The following DPYD variants were observed in gnomAD, a reference collection of about 807,000 sequenced individuals.
DPYD encodes the protein dihydropyrimidine dehydrogenase [NADP(+)].
A neutral mutation model predicts 116.2 loss-of-function variants in DPYD; 109 were observed. That is an observed-to-expected ratio of 0.94 (90% CI 0.80 to 1.10). DPYD has a LOEUF of 1.10. Ranked by LOEUF, DPYD falls within the 50% of genes least tolerant of loss-of-function variation. The pLI, the probability that DPYD is intolerant of heterozygous loss-of-function variation, is 0.00. For missense variants in DPYD, 1,302 were observed against 1,254.5 expected, an observed-to-expected ratio of 1.04 and a Z score of -0.57; for synonymous variants, 440 against 432.0, an observed-to-expected ratio of 1.02 and a Z score of -0.23.
At position 97,323,257 on chromosome 1, in the gene DPYD, T is replaced by C. The variant is rs555046540; in HGVS notation, c.2059-16960A>G. Among the ~76,000 whole-genome samples, 13 of 147,076 alleles carry C rather than the reference T, an allele frequency of 8.8e-5. No individual in the cohort carries two copies. The East Asian group carries it at 1.8e-3, about 20-fold the overall frequency. ...ATATGTATACACATTTATATACTTA[T>C]ATACATATGTGTATATGTACACGTA... On this transcript the variant is annotated intron_variant, in intron 16 of 22. Coordinates refer to ENST00000370192, the MANE Select transcript of DPYD (RefSeq NM_000110.4).
Position 97,699,563 on chromosome 1 carries a change from T to C in DPYD, c.484-16A>G. ...CTTTGAATACCTACGGGGAAATCAA[T>C]TGTCATGGTTAAAATTTTGAAACTA... On this transcript the variant is annotated splice_polypyrimidine_tract_variant and intron_variant, in intron 5 of 22. Coordinates refer to ENST00000370192, the MANE Select transcript of DPYD (RefSeq NM_000110.4). The C allele has an allele frequency of 1.2e-6, 2 of 1,612,336 alleles. No homozygotes were observed. The highest frequency in any genetic ancestry group is 1.1e-5 in the South Asian group (1 of 91,002).
chr1:97,468,809 G>T (rs1677472018), intron 13 of DPYD, among the ~76,000 whole-genome samples: 3 of 152,126 alleles, frequency 2.0e-5, no homozygotes, highest in Admixed American at 2.0e-4. Context: ...ACACCGTTTT[G>T]ATTTTCCTGC....
At chr1:97,293,372 G>A (rs1184394396) in intron 18 of DPYD, among the ~76,000 whole-genome samples, 1 of 152,304 alleles carries the variant, frequency 6.6e-6, no homozygotes, top group South Asian at 2.1e-4. Context: ...AGTATGAAGA[G>A]TCAGACAGTA....
intron 20 of DPYD, among the ~76,000 whole-genome samples, chr1:97,108,365 T>C (rs761236462): frequency 2.0e-5 from 3 of 152,166 alleles, no homozygotes; most frequent in Non-Finnish European, 2.9e-5. Context: ...CCCAGTGATA[T>C]GATCTGTTTT....
chr1:97,876,549 C>A (rs1455341515), intron 2 of DPYD, among the ~76,000 whole-genome samples: 1 of 152,112 alleles, frequency 6.6e-6, no homozygotes, highest in East Asian at 2.0e-4. Flanking sequence ...CCCACTCCAA[C>A]AGCCTTCATT....
chr1:97,675,050 C>T (rs1026212203), intron 8 of DPYD, among the ~76,000 whole-genome samples: 2 of 152,184 alleles, frequency 1.3e-5, no homozygotes, highest in African/African-American at 4.8e-5. Flanking sequence ...ACATCAAACA[C>T]ACATACACAC....
chr1:97,895,716 T>C (rs1344505938), intron 1 of DPYD, among the ~76,000 whole-genome samples: 1 of 151,722 alleles, frequency 6.6e-6, no homozygotes, highest in Non-Finnish European at 1.5e-5. Flanking sequence ...CTATTTAAAA[T>C]CATGAAATTT....
intron 8 of DPYD, among the ~76,000 whole-genome samples, chr1:97,662,597 C>T (rs941488659): frequency 6.6e-6 from 1 of 152,042 alleles, no homozygotes; most frequent in Non-Finnish European, 1.5e-5. Flanking sequence ...CGCACCACTG[C>T]ACTCCAGCCT....
At chr1:97,234,459 G>A (rs1661776090) in intron 19 of DPYD, among the ~76,000 whole-genome samples, 1 of 151,992 alleles carries the variant, frequency 6.6e-6, no homozygotes, top group Non-Finnish European at 1.5e-5. Flanking sequence ...AGGAATCTCA[G>A]GATCAAATTT....
intron 16 of DPYD, among the ~76,000 whole-genome samples, chr1:97,316,773 C>A (rs976032741): frequency 6.6e-6 from 1 of 151,766 alleles, no homozygotes; most frequent in African/African-American, 2.4e-5. Context: ...TCCCTCTGAG[C>A]CTCTATGCCT....
At chr1:97,887,369 C>G (rs1439244761) in intron 1 of DPYD, among the ~76,000 whole-genome samples, 2 of 145,874 alleles carry the variant, frequency 1.4e-5, no homozygotes, top group Non-Finnish European at 3.0e-5. Flanking sequence ...ACTCAGAAGG[C>G]TGAAGCAGGA....
intron 14 of DPYD, among the ~76,000 whole-genome samples, chr1:97,408,372 T>C (rs1198835762): frequency 6.6e-6 from 1 of 152,210 alleles, no homozygotes; most frequent in Non-Finnish European, 1.5e-5. Context: ...ACACTTTTAC[T>C]AGGAAAATAT....
At chr1:97,539,179 T>TAAC (rs1235342360) in intron 12 of DPYD, among the ~76,000 whole-genome samples, 3 of 152,148 alleles carry the variant, frequency 2.0e-5, no homozygotes, top group Non-Finnish European at 2.9e-5. Context: ...CAATATTCTA[T>TAAC]AACTATTCAA....
chr1:97,865,587 G>A (rs1379046986), intron 2 of DPYD, among the ~76,000 whole-genome samples: 1 of 151,814 alleles, frequency 6.6e-6, no homozygotes, highest in Non-Finnish European at 1.5e-5. Context: ...ACAATATATA[G>A]GCAGTAAATT....
At chr1:97,678,465 G>C (rs771024383) in intron 8 of DPYD, among the ~76,000 whole-genome samples, 1 of 152,098 alleles carries the variant, frequency 6.6e-6, no homozygotes, top group Non-Finnish European at 1.5e-5. Flanking sequence ...CATTCATGAG[G>C]CAAAGACTAA....
At chr1:97,274,915 G>T (rs1430971289) in intron 18 of DPYD, among the ~76,000 whole-genome samples, 1 of 152,160 alleles carries the variant, frequency 6.6e-6, no homozygotes, top group Non-Finnish European at 1.5e-5. Context: ...ACACGAGAGA[G>T]ATGCACAGGA....
chr1:97,506,496 T>C (rs933837215), intron 13 of DPYD, among the ~76,000 whole-genome samples: 1 of 151,974 alleles, frequency 6.6e-6, no homozygotes, highest in Non-Finnish European at 1.5e-5. Flanking sequence ...CCATTAACCA[T>C]AATTATGAGA....
chr1:97,701,372 T>C (rs547721790), intron 5 of DPYD, among the ~76,000 whole-genome samples: 16 of 151,542 alleles, frequency 1.1e-4, no homozygotes, highest in Admixed American at 4.0e-4. Context: ...AAAAGTAAAA[T>C]AAATAAATCA....
rs562453636 is a variant in DPYD, at chr1:97,119,043, A to G, written c.2623-20411T>C. 8.9e-4 allele frequency among the ~76,000 whole-genome samples: 136 copies of G among 152,196 alleles called. 1 individual carries two copies. Among genetic ancestry groups the G allele is most frequent in the Non-Finnish European group, 1.9e-3 (127 of 68,006 alleles). ...TTGGGGACAGAAGGTTCTTTCCTTC[A>G]GGTATTGGGAATTTTGAACAACAAG... On this transcript the variant is annotated intron_variant, in intron 20 of 22. Coordinates refer to ENST00000370192, the MANE Select transcript of DPYD (RefSeq NM_000110.4).
Sources: gnomAD v4.1 joint callset for allele counts (sites outside exome capture counted in the v4.1 genomes callset) on GRCh38, gnomAD v4.1.1 for gene constraint, MANE v1.5 for transcripts, NCBI Gene and HGNC (gene_info 2026-07-23, HGNC 2026-07-21) for gene names.